The following L3MBTL3 variants were observed in gnomAD, a reference collection of about 807,000 sequenced individuals.
L3MBTL3 encodes the protein lethal(3)malignant brain tumor-like protein 3.
In L3MBTL3, 27 loss-of-function variants were observed where a neutral mutation model predicts 102.3. The observed-to-expected ratio is 0.26, with a 90% CI of 0.19 to 0.36. The LOEUF is 0.36. Ranked by LOEUF, L3MBTL3 falls within the 10% of genes least tolerant of loss-of-function variation. The pLI is 1.00. For synonymous variants in L3MBTL3, 340 were observed against 320.9 expected, an observed-to-expected ratio of 1.06 and a Z score of -0.64; for missense variants, 798 against 955.3, an observed-to-expected ratio of 0.84 and a Z score of 2.17.
At chr6:130,045,583 G>C (rs1326747067) in intron 3 of L3MBTL3, among the ~76,000 whole-genome samples, 1 of 152,076 alleles carries the variant, frequency 6.6e-6, no homozygotes, top group Non-Finnish European at 1.5e-5. Context: ...TCAAAACCAG[G>C]CTTTTCTGAT....
intron 19 of L3MBTL3, among the ~76,000 whole-genome samples, chr6:130,116,977 ATTTT>A (rs1380272758): frequency 1.5e-5 from 2 of 133,694 alleles, no homozygotes; most frequent in Non-Finnish European, 3.1e-5. Flanking sequence ...TTATTTTTTT[ATTTT>A]TTTATTATAC....
intron 10 of L3MBTL3, among the ~76,000 whole-genome samples, chr6:130,064,014 TTG>T (rs1265933161): frequency 6.6e-6 from 1 of 152,146 alleles, no homozygotes; most frequent in Non-Finnish European, 1.5e-5. Context: ...TACAAATAAA[TTG>T]TAGCAAGTAG....
intron 19 of L3MBTL3, among the ~76,000 whole-genome samples, chr6:130,108,922 G>A (rs1459908839): frequency 6.6e-6 from 1 of 151,604 alleles, no homozygotes; most frequent in Non-Finnish European, 1.5e-5. Flanking sequence ...TGTTTTCATT[G>A]TTCAGCTCCC....
At chr6:130,117,704 G>T (rs1387285649) in intron 19 of L3MBTL3, among the ~76,000 whole-genome samples, 2 of 151,822 alleles carry the variant, frequency 1.3e-5, no homozygotes, top group Non-Finnish European at 2.9e-5. Context: ...AATTTTTCTT[G>T]TTTTTTTCTT....
chr6:130,027,100 A>G (rs1193859133), intron 2 of L3MBTL3, among the ~76,000 whole-genome samples: 2 of 152,168 alleles, frequency 1.3e-5, no homozygotes, highest in African/African-American at 4.8e-5. Flanking sequence ...TGAAGAGTCT[A>G]TTTTGACTCA....
At chr6:130,110,331 G>A (rs1263396820) in intron 19 of L3MBTL3, among the ~76,000 whole-genome samples, 3 of 152,174 alleles carry the variant, frequency 2.0e-5, no homozygotes, top group Admixed American at 2.0e-4. Context: ...CTATCCATGA[G>A]CATGGAATGT....
At chr6:130,029,452 G>GT (rs1779564859) in intron 2 of L3MBTL3, among the ~76,000 whole-genome samples, 1 of 152,176 alleles carries the variant, frequency 6.6e-6, no homozygotes, top group East Asian at 1.9e-4. Context: ...TCACAGTAAG[G>GT]TTGCGAATGG....
chr6:130,086,156 T>G lies in L3MBTL3; in HGVS notation c.1424T>G (p.Phe475Cys). ...RAFKVKPPHG[F>C]QKKMKLEVVD... ...TTGTGGCAGAAACCTCCTCATGGAT[T>G]CCAGAAAAAAATGAAGCTTGAGGTT... is the stretch of plus-strand genomic sequence containing the variant. The change falls in exon 16 of 23, where the codon TTC becomes TGC. Residue 475 changes from phenylalanine (F) to cysteine (C), a missense_variant. Transcript: ENST00000361794. The G allele has an allele frequency of 6.2e-7, 1 of 1,612,642 alleles. No individual in the cohort carries two copies. Among genetic ancestry groups the G allele is most frequent in the Non-Finnish European group, 8.5e-7 (1 of 1,179,310 alleles).
At chr6:130,030,737 C>A (rs1054104065) in intron 2 of L3MBTL3, among the ~76,000 whole-genome samples, 6 of 138,426 alleles carry the variant, frequency 4.3e-5, no homozygotes, top group Non-Finnish European at 6.1e-5. Context: ...TTTGCTGTTA[C>A]ATTAAGTTGT....
At chr6:130,069,643 T>C (rs796342877) in intron 12 of L3MBTL3, among the ~76,000 whole-genome samples, 6 of 152,298 alleles carry the variant, frequency 3.9e-5, no homozygotes, top group African/African-American at 1.4e-4. Context: ...GGAAGGTCAG[T>C]TGGGTGGAAA....
chr6:130,067,884 T>C (rs886923357), intron 11 of L3MBTL3, among the ~76,000 whole-genome samples: 1 of 152,212 alleles, frequency 6.6e-6, no homozygotes, highest in African/African-American at 2.4e-5. Context: ...CTTGAAGTGA[T>C]AGGCCAAAAA....
intron 18 of L3MBTL3, among the ~76,000 whole-genome samples, chr6:130,104,018 T>C (rs1784844947): frequency 6.6e-6 from 1 of 152,204 alleles, no homozygotes; most frequent in Non-Finnish European, 1.5e-5. Context: ...ACTGCCCTGG[T>C]CCTGGAGGAT....
At position 130,060,016 on chromosome 6, in the gene L3MBTL3, G is replaced by C. The variant is rs748788016; in HGVS notation, c.760-20G>C. 1 of 1,436,642 alleles carries C rather than the reference G, an allele frequency of 7.0e-7. No individual in the cohort carries two copies. Among genetic ancestry groups the C allele is most frequent in the Non-Finnish European group, 9.8e-7 (1 of 1,019,182 alleles). 89.0% of individuals were successfully genotyped at this position (1,436,642 alleles called of 1,614,324 possible). A position where few individuals can be genotyped will look rare whatever the true frequency, so the allele number is the denominator to read the frequency against. On this transcript the variant is annotated intron_variant, in intron 9 of 22. Transcript: ENST00000361794. Reference sequence around the variant, plus strand: ...GGCTTTGGGATAAGGGACTAAAACTGCTCTCATTTTGCATTTTAGCATCAA... The same window carrying C: ...GGCTTTGGGATAAGGGACTAAAACTCCTCTCATTTTGCATTTTAGCATCAA...
intron 20 of L3MBTL3, among the ~76,000 whole-genome samples, chr6:130,132,491 A>G (rs1245573863): frequency 1.3e-5 from 2 of 152,172 alleles, no homozygotes; most frequent in Non-Finnish European, 2.9e-5. Flanking sequence ...ATATAAAAGC[A>G]AGGCTTTGTG....
At chr6:130,112,878 G>A (rs1785442986) in intron 19 of L3MBTL3, among the ~76,000 whole-genome samples, 1 of 152,182 alleles carries the variant, frequency 6.6e-6, no homozygotes, top group Admixed American at 6.5e-5. Flanking sequence ...CTATCCCAGT[G>A]ATCCATTTAT....
At position 130,029,664 on chromosome 6, in the gene L3MBTL3, C is replaced by G. The variant is rs1040803196; in HGVS notation, c.-16+7359C>G. The stretch of plus-strand genomic sequence containing the variant: ...CCCTGCTGCCCACCTTTCCTGTCCT[C>G]ATCTCTGGACTCCTGAGAAATTAAA... On this transcript the variant is annotated intron_variant, in intron 2 of 22. Coordinates refer to ENST00000361794, the MANE Select transcript of L3MBTL3 (RefSeq NM_032438.4). Among the ~76,000 whole-genome samples, 14 of 152,272 alleles carry G rather than the reference C, an allele frequency of 9.2e-5. 1 individual carries two copies. The highest frequency in any genetic ancestry group is 6.2e-4 in the South Asian group (3 of 4,828).
chr6:130,075,539 G>A (rs1037031724), intron 13 of L3MBTL3, among the ~76,000 whole-genome samples: 2 of 152,196 alleles, frequency 1.3e-5, no homozygotes, highest in African/African-American at 4.8e-5. Flanking sequence ...GTGTCGTGGG[G>A]ATTAAAATAA....
chr6:130,086,011 C>T (rs2115152099), intron 15 of L3MBTL3, 129 bp from the exon 16 acceptor site: 2 of 647,400 alleles, frequency 3.1e-6, no homozygotes, highest in East Asian at 6.1e-5. Flanking sequence ...CCTCAGCCTT[C>T]CAAAGTGCTG....
intron 2 of L3MBTL3, among the ~76,000 whole-genome samples, chr6:130,034,275 CCG>C (rs536050552): frequency 1.4e-4 from 22 of 152,254 alleles, no homozygotes; most frequent in African/African-American, 5.1e-4. Context: ...AGGTCAATGT[CCG>C]CAGCCAGTCA....
Sources: allele counts gnomAD v4.1 joint callset (sites outside exome capture counted in the v4.1 genomes callset), GRCh38; gene constraint gnomAD v4.1.1; transcripts MANE v1.5; gene names NCBI Gene and HGNC (gene_info 2026-07-23, HGNC 2026-07-21).